The following ENTPD1 variants were observed in gnomAD, a reference collection of about 807,000 sequenced individuals.
The protein encoded by ENTPD1 is ATP diphosphohydrolase.
ENTPD1 carries 33 observed loss-of-function variants against 57.0 expected under a neutral mutation model. The ratio of observed to expected loss-of-function variants is 0.58; its 90% CI spans 0.44 to 0.77. The LOEUF (loss-of-function observed/expected upper bound fraction) is 0.77. ENTPD1 is among the 30% of genes least tolerant of loss of function. The pLI is 0.00. For synonymous variants in ENTPD1, 202 were observed against 218.8 expected (o/e 0.92, Z 0.68); for missense variants, 501 against 603.4 (o/e 0.83, Z 1.78).
chr10:95,819,883 T>C (rs1203358382), intron 1 of ENTPD1, among the ~76,000 whole-genome samples: 1 of 152,258 alleles, frequency 6.6e-6, no homozygotes, highest in African/African-American at 2.4e-5. Context: ...CGAAATACCA[T>C]TTCACATTGT....
intron 8 of ENTPD1, among the ~76,000 whole-genome samples, chr10:95,863,842 G>C (rs976648101): frequency 6.6e-6 from 1 of 152,186 alleles, no homozygotes; most frequent in Admixed American, 6.5e-5. Context: ...GGGTATCCAG[G>C]AGGGAATGCC....
At chr10:95,802,273 A>G (rs2098252834) in intron 1 of ENTPD1, among the ~76,000 whole-genome samples, 1 of 152,236 alleles carries the variant, frequency 6.6e-6, no homozygotes, top group Non-Finnish European at 1.5e-5. Flanking sequence ...ATCTATAAAA[A>G]GGAATGTTCA....
chr10:95,790,298 T>C (rs2098198328), intron 1 of ENTPD1, among the ~76,000 whole-genome samples: 1 of 152,218 alleles, frequency 6.6e-6, no homozygotes, highest in South Asian at 2.1e-4. Context: ...GCTTACTTTA[T>C]TGTAAGAATA....
intron 1 of ENTPD1, among the ~76,000 whole-genome samples, chr10:95,789,764 T>C (rs72813797): frequency 6.6e-6 from 1 of 152,200 alleles, no homozygotes; most frequent in South Asian, 2.1e-4. Flanking sequence ...TTACAGTTGA[T>C]AGAAATTTAA....
At chr10:95,830,994 A>G (rs902881729) in intron 2 of ENTPD1, among the ~76,000 whole-genome samples, 2 of 152,168 alleles carry the variant, frequency 1.3e-5, no homozygotes, top group Non-Finnish European at 2.9e-5. Flanking sequence ...TGCTCCTGCC[A>G]TGGTCTAGGC....
At chr10:95,783,415 G>A (rs557747522) in intron 1 of ENTPD1, among the ~76,000 whole-genome samples, 1 of 152,242 alleles carries the variant, frequency 6.6e-6, no homozygotes, top group South Asian at 2.1e-4. Flanking sequence ...GGCACATCAA[G>A]GGGGCATTTC....
At chr10:95,760,865 T>C (rs1246903714) in intron 1 of ENTPD1, among the ~76,000 whole-genome samples, 1 of 136,760 alleles carries the variant, frequency 7.3e-6, no homozygotes, top group East Asian at 2.2e-4. Flanking sequence ...AGTCTCGCTT[T>C]GTCGCCCAGG....
At chr10:95,768,955 AT>A (rs1387770223) in intron 1 of ENTPD1, among the ~76,000 whole-genome samples, 1 of 152,216 alleles carries the variant, frequency 6.6e-6, no homozygotes, top group Non-Finnish European at 1.5e-5. Flanking sequence ...TCTAACGTTG[AT>A]ATGGATGGAA....
chr10:95,834,173 C>G (rs1234154896), intron 2 of ENTPD1, among the ~76,000 whole-genome samples: 1 of 152,128 alleles, frequency 6.6e-6, no homozygotes, highest in Non-Finnish European at 1.5e-5. Context: ...CCATTTGATT[C>G]AATAATGATC....
intron 1 of ENTPD1, among the ~76,000 whole-genome samples, chr10:95,733,768 A>G (rs1454362035): frequency 6.6e-6 from 1 of 152,228 alleles, no homozygotes; most frequent in Non-Finnish European, 1.5e-5. Flanking sequence ...GGAAGAAATG[A>G]TAACATAAGT....
At chr10:95,748,152 C>T (rs770242776) in intron 1 of ENTPD1, among the ~76,000 whole-genome samples, 3 of 152,146 alleles carry the variant, frequency 2.0e-5, no homozygotes, top group Non-Finnish European at 4.4e-5. Flanking sequence ...GGATTACAGG[C>T]GTGAGCCACC....
At chr10:95,818,580 G>T (rs574710025) in intron 1 of ENTPD1, among the ~76,000 whole-genome samples, 10 of 152,318 alleles carry the variant, frequency 6.6e-5, no homozygotes, top group African/African-American at 2.2e-4. Context: ...TGAGGTAAGG[G>T]TGACTGGAAT....
chr10:95,711,844 G>T, exon 1 of ENTPD1: 4 of 1,490,850 alleles, frequency 2.7e-6, no homozygotes, highest in South Asian at 1.2e-5. Context: ...TGCCTTTTTT[G>T]TCAGCGATTG....
At chr10:95,849,299 T>C (rs915505509) in intron 7 of ENTPD1, among the ~76,000 whole-genome samples, 8 of 152,236 alleles carry the variant, frequency 5.3e-5, no homozygotes, top group African/African-American at 1.9e-4. Flanking sequence ...AGCTACCATC[T>C]GTCAAATGCC....
rs369823518 is a variant in ENTPD1 at position 95,869,970 on chromosome 10, G to A, written c.*3587G>A. On this transcript the variant is annotated 3_prime_UTR_variant, in exon 10 of 10. Coordinates refer to ENST00000371205, the MANE Select transcript of ENTPD1 (RefSeq NM_001776.6). ...ACAGCACATGTCCAAAAAAATACAC[G>A]TAAAGTTAAAGTTTAAAAGACACAG... 2.1e-4 allele frequency: 203 copies of A among 985,436 alleles called. No homozygotes were observed. Among genetic ancestry groups the A allele is most frequent in the African/African-American group, 1.5e-3 (88 of 57,362 alleles). The allele number at this position is 985,436 out of a possible 1,614,324, so 61.0% of individuals were successfully genotyped here.
rs921437729 is a variant in ENTPD1, at chr10:95,790,717, G to GA, written c.17-32513dup. On this transcript the variant is annotated intron_variant, in intron 1 of 9. Coordinates refer to ENST00000371205, the MANE Select transcript of ENTPD1 (RefSeq NM_001776.6). ...ATTTTACTTGTAAGTACTTCAGTAT[G>GA]AAAAAAATGTATAGCAGAGTCTTTC... Among the ~76,000 whole-genome samples the GA allele has an allele frequency of 5.9e-5, 9 of 152,086 alleles. No homozygotes were observed. In the South Asian group the frequency reaches 1.2e-3, roughly 21 times the overall value.
At chr10:95,776,117 T>G (rs1408934779) in intron 1 of ENTPD1, among the ~76,000 whole-genome samples, 4 of 152,206 alleles carry the variant, frequency 2.6e-5, no homozygotes, top group Non-Finnish European at 4.4e-5. Flanking sequence ...GTCTTTTAAT[T>G]GGAGCATTTA....
chr10:95,860,996 G>A (rs1390524295), intron 8 of ENTPD1, among the ~76,000 whole-genome samples: 1 of 152,192 alleles, frequency 6.6e-6, no homozygotes, highest in Non-Finnish European at 1.5e-5. Flanking sequence ...CTTTTTACAG[G>A]AAAGCAAAAG....
rs1170598525 is a variant in ENTPD1 at position 95,866,886 on chromosome 10, T to C, written c.*503T>C. The C allele has an allele frequency of 9.8e-7, 1 of 1,024,230 alleles. No individual in the cohort carries two copies. The highest frequency in any genetic ancestry group is 5.0e-5 in the Admixed American group (1 of 19,804). The allele number at this position is 1,024,230 out of a possible 1,614,324, so 63.4% of individuals were successfully genotyped here. The stretch of plus-strand genomic sequence containing the variant: ...CACACATTCCATTCCCAGCCTGCTC[T>C]GTGGGTAGGAGAATTTTCTACAGTA... On this transcript the variant is annotated 3_prime_UTR_variant, in exon 10 of 10. Transcript: ENST00000371205.
Sources: allele counts gnomAD v4.1 joint callset (sites outside exome capture counted in the v4.1 genomes callset), GRCh38; gene constraint gnomAD v4.1.1; transcripts MANE v1.5; gene names NCBI Gene and HGNC (gene_info 2026-07-23, HGNC 2026-07-21).